Variants in NLGN1 observed in about 807,000 individuals in gnomAD.
NLGN1 encodes neuroligin-1.
In NLGN1, 12 loss-of-function variants were observed where a neutral mutation model predicts 65.5. The observed-to-expected ratio is 0.18, with a 90% CI of 0.12 to 0.30. The LOEUF is 0.30. NLGN1 is among the 10% of genes least tolerant of loss of function. The probability of loss-of-function intolerance (pLI) is 1.00; values close to 1 mark genes in which losing one functional copy is unlikely to be tolerated. For missense variants in NLGN1, 750 were observed against 1,007.1 expected (o/e 0.74, Z 3.46); for synonymous variants, 350 against 359.5 (o/e 0.97, Z 0.30).
At chr3:173,553,899 A>G (rs988849957) in intron 2 of NLGN1, among the ~76,000 whole-genome samples, 5 of 152,194 alleles carry the variant, frequency 3.3e-5, no homozygotes, top group Non-Finnish European at 7.4e-5. Flanking sequence ...TGGATCGGAA[A>G]GGAGACTAAA....
intron 3 of NLGN1, among the ~76,000 whole-genome samples, chr3:173,747,579 C>T (rs536835754): frequency 8.9e-4 from 133 of 150,072 alleles, no homozygotes; most frequent in Non-Finnish European, 1.5e-3. Flanking sequence ...TCTTCGCAAT[C>T]TTTTCCACAT....
intron 2 of NLGN1, among the ~76,000 whole-genome samples, chr3:173,504,525 T>C (rs1270849389): frequency 6.6e-6 from 1 of 152,056 alleles, no homozygotes; most frequent in African/African-American, 2.4e-5. Context: ...AATATTTTGA[T>C]ATTATGGAGA....
At chr3:173,439,160 G>A (rs557797276) in intron 2 of NLGN1, among the ~76,000 whole-genome samples, 26 of 152,234 alleles carry the variant, frequency 1.7e-4, no homozygotes, top group African/African-American at 6.3e-4. Context: ...GTTTGCACAA[G>A]GGAAGAATTT....
At chr3:173,421,993 T>C (rs1274726653) in intron 1 of NLGN1, among the ~76,000 whole-genome samples, 4 of 152,182 alleles carry the variant, frequency 2.6e-5, no homozygotes, top group Non-Finnish European at 5.9e-5. Context: ...ATACAATGTT[T>C]AATGATCAAA....
At chr3:174,049,485 A>G (rs553345655) in intron 4 of NLGN1, among the ~76,000 whole-genome samples, 1 of 152,114 alleles carries the variant, frequency 6.6e-6, no homozygotes, top group South Asian at 2.1e-4. Flanking sequence ...CCTGAACTGG[A>G]GAAGTCACAG....
intron 4 of NLGN1, among the ~76,000 whole-genome samples, chr3:174,208,904 C>A (rs1161898005): frequency 1.3e-5 from 2 of 152,000 alleles, no homozygotes; most frequent in Admixed American, 6.6e-5. Context: ...ATTTTATTTT[C>A]TTTTGTTTTC....
chr3:173,780,600 A>T (rs560578631), intron 3 of NLGN1, among the ~76,000 whole-genome samples: 1 of 152,324 alleles, frequency 6.6e-6, no homozygotes, highest in African/African-American at 2.4e-5. Context: ...TTTATTGATG[A>T]GGTAAAACTC....
At chr3:173,583,336 C>T in intron 2 of NLGN1, among the ~76,000 whole-genome samples, 1 of 152,154 alleles carries the variant, frequency 6.6e-6, no homozygotes, top group East Asian at 1.9e-4. Flanking sequence ...ATTCTCCCAT[C>T]CAGGAACATG....
chr3:174,042,631 A>G (rs1391572868), intron 4 of NLGN1, among the ~76,000 whole-genome samples: 1 of 152,206 alleles, frequency 6.6e-6, no homozygotes, highest in Non-Finnish European at 1.5e-5. Flanking sequence ...AATACTATCA[A>G]TTACCAACAC....
At chr3:174,097,316 C>A (rs1745719736) in intron 4 of NLGN1, among the ~76,000 whole-genome samples, 1 of 152,010 alleles carries the variant, frequency 6.6e-6, no homozygotes, top group African/African-American at 2.4e-5. Flanking sequence ...TTCTTCAGGG[C>A]AATAATTAGT....
At chr3:173,445,075 C>A (rs1221847392) in intron 2 of NLGN1, among the ~76,000 whole-genome samples, 1 of 151,114 alleles carries the variant, frequency 6.6e-6, no homozygotes, top group Non-Finnish European at 1.5e-5. Flanking sequence ...GAGACCATCC[C>A]GGCTAAAACG....
intron 1 of NLGN1, chr3:173,399,938 A>G (rs1422258687): frequency 6.6e-6 from 1 of 152,212 alleles, no homozygotes; most frequent in Non-Finnish European, 1.5e-5. Flanking sequence ...CATGTATTGA[A>G]ACAGTTTTTA....
intron 3 of NLGN1, among the ~76,000 whole-genome samples, chr3:173,774,104 TA>T (rs771713209): frequency 2.0e-5 from 3 of 152,216 alleles, no homozygotes; most frequent in Non-Finnish European, 4.4e-5. Context: ...TCTGTTTTTT[TA>T]TTTATAAAGC....
rs556698015 is a variant in NLGN1, at chr3:173,610,613, G to A, written c.493+5522G>A. Among the ~76,000 whole-genome samples the A allele has an allele frequency of 3.3e-5, 5 of 152,116 alleles. No homozygotes were observed. In the South Asian group the frequency reaches 1.0e-3, roughly 32 times the overall value. On this transcript the variant is annotated intron_variant, in intron 3 of 6. Coordinates refer to ENST00000457714, the Ensembl canonical transcript of NLGN1. Reference sequence around the variant, plus strand: ...TGAGGTCTGGAAGAAGAGAAGGACAGCAATGGAAACTGAGAAAGAATTATG... The same window carrying A: ...TGAGGTCTGGAAGAAGAGAAGGACAACAATGGAAACTGAGAAAGAATTATG...
chr3:173,450,161 T>C (rs1721210445), intron 2 of NLGN1, among the ~76,000 whole-genome samples: 1 of 152,248 alleles, frequency 6.6e-6, no homozygotes, highest in Non-Finnish European at 1.5e-5. Flanking sequence ...CTAGTCCTGA[T>C]GGTCTTTACA....
chr3:173,846,667 G>A (rs574616279), intron 4 of NLGN1, among the ~76,000 whole-genome samples: 1 of 152,300 alleles, frequency 6.6e-6, no homozygotes, highest in African/African-American at 2.4e-5. Flanking sequence ...TTTAGGAAGA[G>A]ACAGATAATG....
chr3:173,854,121 GT>G (rs1323564902), intron 4 of NLGN1, among the ~76,000 whole-genome samples: 2 of 151,854 alleles, frequency 1.3e-5, no homozygotes, highest in Non-Finnish European at 2.9e-5. Flanking sequence ...TTCATGTTAA[GT>G]TTTTTTAAGC....
chr3:173,640,506 G>A lies in NLGN1; in HGVS notation c.493+35415G>A, dbSNP rs148748236. Among the ~76,000 whole-genome samples, 443 of 152,024 alleles carry A rather than the reference G, an allele frequency of 2.9e-3. 2 individuals are homozygous for A. Among genetic ancestry groups the A allele is most frequent in the African/African-American group, 0.01 (418 of 41,476 alleles). On this transcript the variant is annotated intron_variant, in intron 3 of 6. Coordinates refer to ENST00000457714, the Ensembl canonical transcript of NLGN1. ...ACTTCACAACAAAATACTTCAATGC[G>A]TATCTCTTATGAATAATGACTTTCA... is the stretch of plus-strand genomic sequence containing the variant.
At chr3:173,898,285 G>A (rs1444931522) in intron 4 of NLGN1, among the ~76,000 whole-genome samples, 1 of 152,174 alleles carries the variant, frequency 6.6e-6, no homozygotes, top group Non-Finnish European at 1.5e-5. Context: ...ATAGGAAAGA[G>A]TTTTGATGTT....
Sources: gnomAD v4.1 joint callset for allele counts (sites outside exome capture counted in the v4.1 genomes callset) on GRCh38, gnomAD v4.1.1 for gene constraint, MANE v1.5 for transcripts, NCBI Gene and HGNC (gene_info 2026-07-23, HGNC 2026-07-21) for gene names.